Variants in MDM2 observed in about 807,000 individuals in gnomAD.
MDM2 encodes MDM2 proto-oncogene.
Under a neutral mutation model 64.3 loss-of-function variants are expected in MDM2, and 11 were observed. That is an observed-to-expected ratio of 0.17 (90% confidence interval 0.11 to 0.28). The LOEUF (loss-of-function observed/expected upper bound fraction) is 0.28, where lower values mean the gene tolerates loss of function less well. MDM2 is among the 10% of genes least tolerant of loss of function. MDM2 has a pLI of 1.00. For missense variants in MDM2, 388 were observed against 577.1 expected (o/e 0.67, Z 3.36); for synonymous variants, 194 against 192.9 (o/e 1.01, Z -0.05).
chr12:68,834,388 G>A (rs1883140499), intron 8 of MDM2, among the ~76,000 whole-genome samples: 1 of 151,946 alleles, frequency 6.6e-6, no homozygotes, highest in South Asian at 2.1e-4. Context: ...GTTGCAGTGA[G>A]CTGAGATCAT....
At chr12:68,829,658 TG>T (rs970916703) in intron 8 of MDM2, among the ~76,000 whole-genome samples, 2 of 150,384 alleles carry the variant, frequency 1.3e-5, no homozygotes, top group Non-Finnish European at 2.9e-5. Context: ...CCCAGCTACT[TG>T]GGGGCCTGAG....
chr12:68,845,738 A>G (rs6581837), downstream of MDM2: 13,994 of 162,110 alleles, frequency 0.086, 2,124 homozygotes, highest in African/African-American at 0.32. Context: ...TAAAAATAGC[A>G]TCTTTCCTAA....
chr12:68,808,806 CG>C, intron 1 of MDM2: 2 of 664,266 alleles, frequency 3.0e-6, no homozygotes, highest in Non-Finnish European at 3.7e-6. Flanking sequence ...CGCTTCGGCG[CG>C]GGAGGTCCGG....
intron 5 of MDM2, chr12:68,824,071 TCA>T (rs1882095402): frequency 6.2e-6 from 2 of 323,774 alleles, no homozygotes; most frequent in South Asian, 1.1e-4. Context: ...TCTTTGTTTC[TCA>T]GACACTCCCT....
In MDM2 at chr12:68,828,756, T is replaced by C. The variant is rs1397367757; in HGVS notation, c.524-15T>C. On this transcript the variant is annotated splice_polypyrimidine_tract_variant and intron_variant, in intron 7 of 10. Transcript: ENST00000258149. ...TCACAGTACAGCAATTTATTTTTTTTCCTTACATATCCAGAAGAAAATTCA... is the reference window on the plus strand; with the variant it reads ...TCACAGTACAGCAATTTATTTTTTTCCCTTACATATCCAGAAGAAAATTCA... The C allele has an allele frequency of 2.5e-6, 4 of 1,612,440 alleles. No homozygotes were observed. The highest frequency in any genetic ancestry group is 3.4e-6 in the Non-Finnish European group (4 of 1,179,196).
At chr12:68,828,555 CAG>C (rs1363598929) in intron 7 of MDM2, 3 of 416,438 alleles carry the variant, frequency 7.2e-6, no homozygotes, top group African/African-American at 4.0e-5. Flanking sequence ...GCCTGGGTGA[CAG>C]AGCAAGACCC....
chr12:68,849,893 G>A (rs1258090387), downstream of MDM2: 1 of 152,280 alleles, frequency 6.6e-6, no homozygotes, highest in Non-Finnish European at 1.5e-5. Context: ...GATTACAGAT[G>A]TGAGTCACTA....
At chr12:68,846,126 T>G (rs1884278441), downstream of MDM2, 1 of 152,236 alleles carries the variant, frequency 6.6e-6, no homozygotes, top group African/African-American at 2.4e-5. Flanking sequence ...TAATTTTTTT[T>G]GTATTTTTAG....
chr12:68,826,371 T>G (rs1424175485), intron 7 of MDM2, among the ~76,000 whole-genome samples: 10 of 152,092 alleles, frequency 6.6e-5, no homozygotes, highest in African/African-American at 2.4e-4. Flanking sequence ...TTAGATGGCC[T>G]GGTGCGGTGG....
In MDM2 at chr12:68,840,345, C is replaced by CT. The variant is rs1883659463; in HGVS notation, c.*496_*497insT. On this transcript the variant is annotated 3_prime_UTR_variant, in exon 11 of 11. Transcript: ENST00000258149. The stretch of plus-strand genomic sequence containing the variant: ...ACTTTTAGTAGAGACAGGGTTTCAC[C>CT]GTGTTAGCCAGGATGGTCTCGATCT... The CT allele has an allele frequency of 5.9e-6, 1 of 169,962 alleles. No individual in the cohort carries two copies. The highest frequency in any genetic ancestry group is 2.4e-5 in the African/African-American group (1 of 41,858). 10.5% of individuals were successfully genotyped at this position (169,962 alleles called of 1,614,324 possible). A position where few individuals can be genotyped will look rare whatever the true frequency, so the allele number is the denominator to read the frequency against.
At chr12:68,815,888 T>C (rs1189901913) in intron 3 of MDM2, among the ~76,000 whole-genome samples, 2 of 152,218 alleles carry the variant, frequency 1.3e-5, no homozygotes, top group Non-Finnish European at 2.9e-5. Flanking sequence ...CTTAAAAATG[T>C]ATTGCCAACT....
rs2136138597 is a variant in MDM2, at chr12:68,824,610, G to C, written c.482G>C (p.Arg161Thr). 6 of 1,613,334 alleles carry C rather than the reference G, an allele frequency of 3.7e-6. 1 individual carries two copies. The highest frequency in any genetic ancestry group is 5.1e-6 in the Non-Finnish European group (6 of 1,179,794). The stretch of plus-strand genomic sequence containing the variant: ...CCTTCATCTTCACATTTGGTTTCTA[G>C]ACCATCTACCTCATCTAGAAGGAGA... ...EKPSSSHLVS[R>T]PSTSSRRRAI... Residue 161 changes from arginine (R) to threonine (T), a missense_variant, in exon 7 of 11, where the codon AGA (arginine) becomes ACA (threonine). This residue lies in a region of MDM2 where 168 missense variants were observed against 236.6 expected (regional missense o/e 0.71). Transcript: ENST00000258149.
At chr12:68,815,433 C>CTTTTTTTTTTTTTTTTTT (rs58178593) in intron 3 of MDM2, among the ~76,000 whole-genome samples, 1 of 93,090 alleles carries the variant, frequency 1.1e-5, no homozygotes, top group African/African-American at 4.4e-5. Flanking sequence ...GTTTCTTCTT[C>CTTTTTTTTTTTTTTTTTT]TTTTTTTTTT....
At chr12:68,833,274 TATATAA>T (rs1334998929) in intron 8 of MDM2, among the ~76,000 whole-genome samples, 1,847 of 75,808 alleles carry the variant, frequency 0.024, 8 homozygotes, top group Non-Finnish European at 0.04. Context: ...ATTATATATT[TATATAA>T]ATATAAATAT....
chr12:68,813,530 AT>A (rs770516319), intron 2 of MDM2, 23 bp from the exon 3 acceptor site: 4 of 1,543,926 alleles, frequency 2.6e-6, no homozygotes. Context: ...TGGAAGTATA[AT>A]AGCAGTTCTT....
chr12:68,825,526 GCCTGTAGTC>G (rs1882240492), intron 7 of MDM2, among the ~76,000 whole-genome samples: 1 of 152,102 alleles, frequency 6.6e-6, no homozygotes, highest in Admixed American at 6.6e-5. Context: ...GGTGGCGGGT[GCCTGTAGTC>G]CCAGCTACTC....
At position 68,826,647 on chromosome 12, in the gene MDM2, T is replaced by A. The variant is rs865941213; in HGVS notation, c.523+1996T>A. Among the ~76,000 whole-genome samples the A allele has an allele frequency of 3.3e-3, 300 of 91,396 alleles. 15 individuals carry two copies. Among genetic ancestry groups the A allele is most frequent in the African/African-American group, 0.011 (272 of 24,724 alleles). 60.0% of individuals were successfully genotyped at this position (91,396 alleles called of 152,430 possible). A position where few individuals can be genotyped will look rare whatever the true frequency, so the allele number is the denominator to read the frequency against. ...CTGGGGTACAGAGTGAGACTCCCTC[T>A]TAAAAAAAAAAAAAAAAGAAAAGAA... On this transcript the variant is annotated intron_variant, in intron 7 of 10. Transcript: ENST00000258149.
chr12:68,844,303 GC>G lies in MDM2; in HGVS notation c.*4456del, dbSNP rs2136191020. On this transcript the variant is annotated 3_prime_UTR_variant, in exon 11 of 11. Transcript: ENST00000258149. ...TGAATGTGTTTCTTTTTCTGGAATG[GC>G]CATGCCTGCCCACTTTAGAAATACA... 1 of 221,476 alleles carries G rather than the reference GC, an allele frequency of 4.5e-6. No homozygotes were observed. Among genetic ancestry groups the G allele is most frequent in the East Asian group, 6.6e-5 (1 of 15,092 alleles). 13.7% of individuals were successfully genotyped at this position (221,476 alleles called of 1,614,324 possible). A position where few individuals can be genotyped will look rare whatever the true frequency, so the allele number is the denominator to read the frequency against.
At chr12:68,821,786 T>C (rs1881878596) in intron 5 of MDM2, among the ~76,000 whole-genome samples, 2 of 152,204 alleles carry the variant, frequency 1.3e-5, no homozygotes, top group Admixed American at 1.3e-4. Flanking sequence ...CTAGAATGAA[T>C]TGACCACTCC....
Sources: gnomAD v4.1 joint callset for allele counts (sites outside exome capture counted in the v4.1 genomes callset) on GRCh38, gnomAD v4.1.1 for gene constraint, gnomAD v4.1.1 regional missense constraint, MANE v1.5 for transcripts, NCBI Gene and HGNC (gene_info 2026-07-23, HGNC 2026-07-21) for gene names.